Variants in TOX observed in about 807,000 individuals in gnomAD.
The protein encoded by TOX is thymocyte selection associated high mobility group box, also known as thymocyte selection-associated high mobility group box protein TOX.
A neutral mutation model predicts 53.7 loss-of-function variants in TOX; 11 were observed. The observed-to-expected ratio is 0.20, with a 90% CI of 0.13 to 0.34. The LOEUF (loss-of-function observed/expected upper bound fraction) is 0.34, where lower values mean the gene tolerates loss of function less well. Among genes scored for constraint, TOX ranks in the 10% least tolerant of loss-of-function variants. The pLI is 1.00. For synonymous variants in TOX, 225 were observed against 245.3 expected, an observed-to-expected ratio of 0.92 and a Z score of 0.77; for missense variants, 570 against 664.6, an observed-to-expected ratio of 0.86 and a Z score of 1.56.
intron 3 of TOX, among the ~76,000 whole-genome samples, chr8:58,860,989 T>C (rs1311220577): frequency 6.6e-6 from 1 of 152,202 alleles, no homozygotes. Context: ...AGATGTTTTT[T>C]ACTCAGATTG....
At chr8:58,927,879 G>A (rs1812191744) in intron 3 of TOX, among the ~76,000 whole-genome samples, 1 of 152,110 alleles carries the variant, frequency 6.6e-6, no homozygotes, top group Admixed American at 6.5e-5. Context: ...ACGGTCACAT[G>A]TGGATAGTGA....
intron 1 of TOX, among the ~76,000 whole-genome samples, chr8:59,072,653 CTA>C (rs1253987784): frequency 6.6e-6 from 1 of 152,166 alleles, no homozygotes; most frequent in Non-Finnish European, 1.5e-5. Context: ...GACCATGATA[CTA>C]TCTTTTCCAG....
At chr8:58,887,664 T>A (rs1250896874) in intron 3 of TOX, among the ~76,000 whole-genome samples, 1 of 152,042 alleles carries the variant, frequency 6.6e-6, no homozygotes, top group Admixed American at 6.6e-5. Context: ...AAGAACTAGA[T>A]TTTAATTTTA....
intron 3 of TOX, among the ~76,000 whole-genome samples, chr8:58,881,888 G>A (rs1811389781): frequency 6.6e-6 from 1 of 152,154 alleles, no homozygotes; most frequent in African/African-American, 2.4e-5. Context: ...AGATGGATAG[G>A]GAAGGCATAA....
rs572541720 is a variant in TOX, at chr8:58,860,141, C to T, written c.412-8336G>A. Among the ~76,000 whole-genome samples, 427 of 152,156 alleles carry T rather than the reference C, an allele frequency of 2.8e-3. 2 individuals carry two copies. The highest frequency in any genetic ancestry group is 4.2e-3 in the Non-Finnish European group (287 of 67,996). ...TCCTTTCTCTAAAGGAGAGGGGGGC[C>T]GTGTGCTATTGTGGAGGCAACCCTG... On this transcript the variant is annotated intron_variant, in intron 3 of 8. Transcript: ENST00000361421.
intron 1 of TOX, among the ~76,000 whole-genome samples, chr8:58,983,784 G>A (rs1001267883): frequency 1.3e-5 from 2 of 152,118 alleles, no homozygotes; most frequent in Non-Finnish European, 2.9e-5. Flanking sequence ...AAAAGTGTTG[G>A]ATAAGCCCAA....
intron 1 of TOX, among the ~76,000 whole-genome samples, chr8:59,053,046 A>G (rs1585989455): frequency 6.6e-6 from 1 of 152,306 alleles, no homozygotes; most frequent in East Asian, 1.9e-4. Context: ...AATGATAATT[A>G]TTATTTTCTG....
chr8:58,959,772 G>A (rs375421462), intron 2 of TOX, among the ~76,000 whole-genome samples, 171 bp downstream of exon 2: 7 of 152,302 alleles, frequency 4.6e-5, no homozygotes, highest in South Asian at 2.1e-4. Flanking sequence ...CAACTCTGGC[G>A]TTTTATCAGC....
intron 1 of TOX, among the ~76,000 whole-genome samples, chr8:58,987,255 T>C (rs748970273): frequency 6.6e-6 from 1 of 152,180 alleles, no homozygotes; most frequent in Non-Finnish European, 1.5e-5. Flanking sequence ...TTCAGGGACA[T>C]GGAGTAACAG....
At chr8:58,935,072 A>T (rs1812320264) in intron 3 of TOX, among the ~76,000 whole-genome samples, 1 of 152,222 alleles carries the variant, frequency 6.6e-6, no homozygotes, top group African/African-American at 2.4e-5. Flanking sequence ...AAATGCTTAT[A>T]AATGGTGAAA....
chr8:59,025,395 G>C (rs762782160), intron 1 of TOX, among the ~76,000 whole-genome samples: 3 of 152,026 alleles, frequency 2.0e-5, no homozygotes, highest in Non-Finnish European at 4.4e-5. Flanking sequence ...TCCAATATGA[G>C]ACTGAGGCCA....
At chr8:59,000,659 T>C (rs954147827) in intron 1 of TOX, among the ~76,000 whole-genome samples, 2 of 152,196 alleles carry the variant, frequency 1.3e-5, no homozygotes, top group Non-Finnish European at 2.9e-5. Context: ...GGTAACTTGC[T>C]CCAGGTCAGT....
chr8:59,070,463 C>T (rs1250432053), intron 1 of TOX, among the ~76,000 whole-genome samples: 2 of 150,066 alleles, frequency 1.3e-5, no homozygotes, highest in East Asian at 4.0e-4. Context: ...TGTTCAGATT[C>T]CATAAGACAG....
rs570095622 is a variant in TOX, at chr8:58,851,227, C to T, written c.693+297G>A. Among the ~76,000 whole-genome samples the T allele has an allele frequency of 1.5e-4, 23 of 150,014 alleles. No individual in the cohort carries two copies. The South Asian group carries it at 4.9e-3, about 32-fold the overall frequency. Reference sequence around the variant, plus strand: ...CACACACACACGACCTTCATTGTACCCCAGTATACTGCCTTCTTAAAATGG... The same window carrying T: ...CACACACACACGACCTTCATTGTACTCCAGTATACTGCCTTCTTAAAATGG... On this transcript the variant is annotated intron_variant, in intron 4 of 8. Coordinates refer to ENST00000361421, the MANE Select transcript of TOX (RefSeq NM_014729.3). The surrounding 1 kb of genome is among the most constrained non-coding windows in gnomAD (Gnocchi z 4.4).
Position 58,998,492 on chromosome 8 carries a change from A to AGTAT in TOX, c.103-38488_103-38485dup, listed in dbSNP as rs1554537296. ...TGATAGAGCCAGACTCCATCTCAAA[A>AGTAT]GTATATATATATATATATATATATA... is the stretch of plus-strand genomic sequence containing the variant. On this transcript the variant is annotated intron_variant, in intron 1 of 8. Transcript: ENST00000361421. Among the ~76,000 whole-genome samples the AGTAT allele has an allele frequency of 3.9e-3, 142 of 36,812 alleles. 2 individuals are homozygous for AGTAT. Among genetic ancestry groups the AGTAT allele is most frequent in the African/African-American group, 0.014 (135 of 9,332 alleles). The allele number at this position is 36,812 out of a possible 152,430, so 24.2% of individuals were successfully genotyped here.
chr8:59,052,440 G>C (rs1412114694), intron 1 of TOX, among the ~76,000 whole-genome samples: 2 of 152,088 alleles, frequency 1.3e-5, no homozygotes, highest in African/African-American at 4.8e-5. Flanking sequence ...TTATGTTAAA[G>C]GATAAATAAG....
At chr8:58,970,622 T>C (rs1164926618) in intron 1 of TOX, among the ~76,000 whole-genome samples, 1 of 152,204 alleles carries the variant, frequency 6.6e-6, no homozygotes, top group Non-Finnish European at 1.5e-5. Context: ...ATCTTGTGCT[T>C]ATCCCAGCCC....
chr8:59,067,456 A>G (rs1804114145), intron 1 of TOX, among the ~76,000 whole-genome samples: 1 of 152,108 alleles, frequency 6.6e-6, no homozygotes, highest in Non-Finnish European at 1.5e-5. Flanking sequence ...TGGGGGGCTG[A>G]GGCACGAGAA....
Position 58,914,791 on chromosome 8 carries a change from C to T in TOX, c.411+24511G>A, listed in dbSNP as rs371222453. Among the ~76,000 whole-genome samples, 128 of 151,926 alleles carry T rather than the reference C, an allele frequency of 8.4e-4. 1 individual carries two copies. The highest frequency in any genetic ancestry group is 2.9e-3 in the African/African-American group (121 of 41,444). On this transcript the variant is annotated intron_variant, in intron 3 of 8. Coordinates refer to ENST00000361421, the MANE Select transcript of TOX (RefSeq NM_014729.3). The stretch of plus-strand genomic sequence containing the variant: ...ATTTCTGCATTTCCATCTGAGGTAC[C>T]GGGTTCATCTCACTAGGGAGTGCCA...
Sources: gnomAD v4.1 joint callset for allele counts (sites outside exome capture counted in the v4.1 genomes callset) on GRCh38, gnomAD v4.1.1 for gene constraint, Gnocchi (gnomAD v3.1) non-coding constraint, MANE v1.5 for transcripts, NCBI Gene and HGNC (gene_info 2026-07-23, HGNC 2026-07-21) for gene names.